The following C12orf56 variants were observed in gnomAD, a reference collection of about 807,000 sequenced individuals.
The protein encoded by C12orf56 is chromosome 12 open reading frame 56, also known as uncharacterized protein C12orf56.
A neutral mutation model predicts 69.9 loss-of-function variants in C12orf56; 71 were observed. The observed-to-expected ratio is 1.02, with a 90% CI of 0.84 to 1.24. C12orf56 has a LOEUF of 1.24. Ranked by LOEUF, C12orf56 falls within the 50% of genes most tolerant of loss-of-function variation. C12orf56 has a pLI of 0.00. For missense variants in C12orf56, 732 were observed against 738.5 expected, an observed-to-expected ratio of 0.99 and a Z score of 0.10; for synonymous variants, 276 against 274.1, an observed-to-expected ratio of 1.01 and a Z score of -0.07.
Position 64,267,221 on chromosome 12 carries a change from T to C in C12orf56, c.1831A>G (p.Ile611Val). Residue 611 changes from isoleucine to valine, a missense_variant, in exon 13 of 13, where the codon ATT becomes GTT. Coordinates refer to ENST00000543942, the MANE Select transcript of C12orf56 (RefSeq NM_001170633.2). ...TTCAGAACTTCATGAAAAAGTTGAATGGTAGGTTGAGTGATGGGGTAACAC... is the reference window on the plus strand; with the variant it reads ...TTCAGAACTTCATGAAAAAGTTGAACGGTAGGTTGAGTGATGGGGTAACAC... Reference protein sequence around the residue: ...PLCYPITQPTIQLFHEVLKLV... With the variant: ...PLCYPITQPTVQLFHEVLKLV... The C allele has an allele frequency of 3.7e-6, 6 of 1,612,394 alleles. No individual in the cohort carries two copies. The highest frequency in any genetic ancestry group is 5.1e-6 in the Non-Finnish European group (6 of 1,179,254).
At chr12:64,367,900 C>A (rs1429305561) in intron 1 of C12orf56, among the ~76,000 whole-genome samples, 6 of 150,422 alleles carry the variant, frequency 4.0e-5, no homozygotes, top group Non-Finnish European at 8.9e-5. Flanking sequence ...CTCTACCTCC[C>A]GGGTTCAAGT....
At chr12:64,309,645 G>A (rs1247383124) in intron 5 of C12orf56, among the ~76,000 whole-genome samples, 1 of 152,072 alleles carries the variant, frequency 6.6e-6, no homozygotes, top group Admixed American at 6.6e-5. Context: ...CAAGTAGCTG[G>A]GATTACAGGC....
intron 1 of C12orf56, among the ~76,000 whole-genome samples, chr12:64,380,636 CTTTTAG>C (rs1437545895): frequency 6.6e-6 from 1 of 152,122 alleles, no homozygotes; most frequent in African/African-American, 2.4e-5. Flanking sequence ...GGGAATGGTA[CTTTTAG>C]TTTGAGTGGT....
At chr12:64,294,772 G>T (rs2038342843) in intron 6 of C12orf56, among the ~76,000 whole-genome samples, 1 of 151,762 alleles carries the variant, frequency 6.6e-6, no homozygotes, top group Non-Finnish European at 1.5e-5. Context: ...TGATGGTTTT[G>T]ATGGCTGATT....
Position 64,380,289 on chromosome 12 carries a change from G to A in C12orf56, c.252+10025C>T, listed in dbSNP as rs190064968. ...CCACCCACTGCCTGAGTAACGGCCA[G>A]TGTGATAACCTGTCAATTTCTGGGA... On this transcript the variant is annotated intron_variant, in intron 1 of 12. Transcript: ENST00000543942. Among the ~76,000 whole-genome samples, 658 of 152,190 alleles carry A rather than the reference G, an allele frequency of 4.3e-3. 2 individuals carry two copies. The highest frequency in any genetic ancestry group is 0.041 in the Middle Eastern group (12 of 294).
At chr12:64,279,217 A>G (rs2038093243) in intron 8 of C12orf56, among the ~76,000 whole-genome samples, 1 of 151,850 alleles carries the variant, frequency 6.6e-6, no homozygotes, top group Non-Finnish European at 1.5e-5. Flanking sequence ...TCCACACCCA[A>G]CTCCACCATT....
At chr12:64,321,219 A>C (rs536915197) in intron 3 of C12orf56, among the ~76,000 whole-genome samples, 1 of 152,254 alleles carries the variant, frequency 6.6e-6, no homozygotes, top group Non-Finnish European at 1.5e-5. Flanking sequence ...CTATTACCCT[A>C]TATTGCCTTC....
At chr12:64,373,864 T>C (rs2039605700) in intron 1 of C12orf56, among the ~76,000 whole-genome samples, 1 of 152,156 alleles carries the variant, frequency 6.6e-6, no homozygotes, top group Admixed American at 6.5e-5. Context: ...CAGTGGCCAA[T>C]ATATGAAAAC....
intron 8 of C12orf56, 148 bp downstream of exon 8, chr12:64,284,516 G>A: frequency 3.7e-6 from 2 of 537,578 alleles, no homozygotes; most frequent in Non-Finnish European, 6.4e-6. Context: ...TGTTCATCAT[G>A]GAAGGAAGGA....
chr12:64,345,211 G>A (rs117735537), intron 2 of C12orf56, among the ~76,000 whole-genome samples: 8 of 152,166 alleles, frequency 5.3e-5, no homozygotes, highest in East Asian at 1.9e-4. Flanking sequence ...AGGAACATTG[G>A]GGGGTGGGTC....
chr12:64,356,126 T>G (rs1199984453), intron 1 of C12orf56, among the ~76,000 whole-genome samples: 3 of 137,784 alleles, frequency 2.2e-5, no homozygotes, highest in Non-Finnish European at 3.0e-5. Context: ...ATCGTGCCAT[T>G]GCACTTCAGC....
intron 1 of C12orf56, among the ~76,000 whole-genome samples, chr12:64,368,849 A>G (rs990430337): frequency 6.6e-6 from 1 of 152,148 alleles, no homozygotes; most frequent in Non-Finnish European, 1.5e-5. Context: ...CTCTTTTGAC[A>G]TTGATTTCCT....
At chr12:64,359,502 A>G (rs1231760382) in intron 1 of C12orf56, among the ~76,000 whole-genome samples, 2 of 152,146 alleles carry the variant, frequency 1.3e-5, no homozygotes, top group Non-Finnish European at 2.9e-5. Flanking sequence ...AAAAATAAAA[A>G]TCTCTGTTTA....
At chr12:64,365,161 C>A (rs1198661971) in intron 1 of C12orf56, among the ~76,000 whole-genome samples, 1 of 99,446 alleles carries the variant, frequency 1.0e-5, no homozygotes, top group African/African-American at 3.1e-5. Flanking sequence ...TAAAGCTGTT[C>A]CTTTTTTTTT....
chr12:64,308,940 G>GAAAGAAAGAAAGAAAA (rs35488127), intron 5 of C12orf56, among the ~76,000 whole-genome samples: 29 of 80,868 alleles, frequency 3.6e-4, no homozygotes, highest in African/African-American at 1.1e-3. Context: ...AAGAAAGAAA[G>GAAAGAAAGAAAGAAAA]AAGAAAGAAA....
chr12:64,337,133 G>T (rs1290216251), intron 2 of C12orf56, among the ~76,000 whole-genome samples: 2 of 152,112 alleles, frequency 1.3e-5, no homozygotes, highest in Non-Finnish European at 2.9e-5. Flanking sequence ...CCTTAAAAAG[G>T]CTCATATATC....
At chr12:64,378,601 T>G (rs1458079301) in intron 1 of C12orf56, among the ~76,000 whole-genome samples, 1 of 152,150 alleles carries the variant, frequency 6.6e-6, no homozygotes, top group East Asian at 1.9e-4. Flanking sequence ...ACCCAGCTAA[T>G]TTTTGTATCT....
At chr12:64,388,800 T>G (rs1592512259) in intron 1 of C12orf56, among the ~76,000 whole-genome samples, 1 of 152,186 alleles carries the variant, frequency 6.6e-6, no homozygotes, top group Non-Finnish European at 1.5e-5. Flanking sequence ...GAGGCGGCAG[T>G]GAGCCGTGAT....
At chr12:64,305,637 C>T (rs561208471) in intron 5 of C12orf56, among the ~76,000 whole-genome samples, 1 of 152,280 alleles carries the variant, frequency 6.6e-6, no homozygotes, top group African/African-American at 2.4e-5. Context: ...CCCACCTCTG[C>T]CTCCCAAAGT....
Sources: gnomAD v4.1 joint callset for allele counts (sites outside exome capture counted in the v4.1 genomes callset) on GRCh38, gnomAD v4.1.1 for gene constraint, MANE v1.5 for transcripts, NCBI Gene and HGNC (gene_info 2026-07-23, HGNC 2026-07-21) for gene names.